EML6: variants seen among roughly 807,000 people sequenced by gnomAD.
EML6 encodes EMAP like 6, also known as echinoderm microtubule-associated protein-like 6.
In EML6, 154 loss-of-function variants were observed where a neutral mutation model predicts 240.1. The ratio of observed to expected loss-of-function variants is 0.64; its 90% CI spans 0.56 to 0.73. EML6 has a LOEUF of 0.73. Ranked by LOEUF, EML6 falls within the 30% of genes least tolerant of loss-of-function variation. The pLI is 0.00. For missense variants in EML6, 2,964 were observed against 2,474.6 expected, an observed-to-expected ratio of 1.20 and a Z score of -4.20; for synonymous variants, 1,148 against 899.0, an observed-to-expected ratio of 1.28 and a Z score of -4.95.
intron 21 of EML6, among the ~76,000 whole-genome samples, chr2:54,896,019 C>G (rs1231448252): frequency 2.0e-5 from 3 of 152,190 alleles, no homozygotes; most frequent in Non-Finnish European, 4.4e-5. Flanking sequence ...ATACCACACT[C>G]AAAGGGAGGT....
At chr2:54,922,268 A>G (rs1043947165) in intron 26 of EML6, among the ~76,000 whole-genome samples, 1 of 152,262 alleles carries the variant, frequency 6.6e-6, no homozygotes, top group South Asian at 2.1e-4. Context: ...ATTTCTCCAA[A>G]GAAGACATAG....
At chr2:54,883,871 TTATAAC>T (rs1388411907) in intron 17 of EML6, among the ~76,000 whole-genome samples, 3 of 152,192 alleles carry the variant, frequency 2.0e-5, no homozygotes, top group African/African-American at 7.2e-5. Context: ...ATTAGCCACT[TTATAAC>T]TAGCCACAAC....
intron 35 of EML6, among the ~76,000 whole-genome samples, chr2:54,962,041 ATT>A (rs1676542777): frequency 6.8e-6 from 1 of 148,044 alleles, no homozygotes; most frequent in Non-Finnish European, 1.5e-5. Flanking sequence ...ACCCCTTCTT[ATT>A]TTAATATTAA....
At chr2:54,841,581 C>G (rs1252085196) in intron 7 of EML6, among the ~76,000 whole-genome samples, 3 of 127,084 alleles carry the variant, frequency 2.4e-5, no homozygotes, top group Non-Finnish European at 3.3e-5. Context: ...TAGTATTTGT[C>G]TTGGCTTTTT....
chr2:54,895,929 A>G lies in EML6; in HGVS notation c.2982+529A>G, dbSNP rs563070467. Among the ~76,000 whole-genome samples the G allele has an allele frequency of 5.9e-5, 9 of 152,382 alleles. 1 individual carries two copies. The highest frequency in any genetic ancestry group is 2.2e-4 in the African/African-American group (9 of 41,594). On this transcript the variant is annotated intron_variant, in intron 21 of 41. Transcript: ENST00000356458. ...TAGATACTACAATTTTATGTTACAT[A>G]ATTATGTCATCACATATGTGGAATC...
chr2:54,798,129 T>C (rs1187925511), intron 2 of EML6, among the ~76,000 whole-genome samples: 1 of 152,122 alleles, frequency 6.6e-6, no homozygotes, highest in Non-Finnish European at 1.5e-5. Context: ...AAACATAATA[T>C]CTCTTCTTGT....
chr2:54,929,013 T>G (rs1489412673), intron 28 of EML6, among the ~76,000 whole-genome samples: 1 of 125,720 alleles, frequency 8.0e-6, no homozygotes, highest in African/African-American at 2.8e-5. Flanking sequence ...TGGACTACAC[T>G]TCTCCATGCC....
At chr2:54,887,448 T>G (rs1245985113) in intron 17 of EML6, among the ~76,000 whole-genome samples, 1 of 152,232 alleles carries the variant, frequency 6.6e-6, no homozygotes, top group Non-Finnish European at 1.5e-5. Context: ...ACTTGCTGAT[T>G]TTTTTCCCAG....
At chr2:54,749,179 C>G (rs927014429) in intron 2 of EML6, among the ~76,000 whole-genome samples, 9 of 152,140 alleles carry the variant, frequency 5.9e-5, no homozygotes, top group African/African-American at 2.2e-4. Flanking sequence ...TTTTAACTCT[C>G]TTAAAGACAG....
At chr2:54,868,662 G>A (rs927159861) in intron 14 of EML6, 9 of 152,488 alleles carry the variant, frequency 5.9e-5, no homozygotes, top group African/African-American at 2.2e-4. Context: ...TGAAAGCAAA[G>A]AATTGGAAAT....
chr2:54,953,601 G>T (rs778192330), intron 31 of EML6, among the ~76,000 whole-genome samples: 5 of 152,142 alleles, frequency 3.3e-5, no homozygotes, highest in African/African-American at 4.8e-5. Flanking sequence ...CTTAAAAAAG[G>T]CTTTTGCAGG....
chr2:54,785,763 C>T (rs1310482274), intron 2 of EML6, among the ~76,000 whole-genome samples: 3 of 142,884 alleles, frequency 2.1e-5, no homozygotes, highest in African/African-American at 2.5e-5. Flanking sequence ...CATGACATAT[C>T]TCTTTCTTAA....
At chr2:54,849,025 T>A (rs931962453) in intron 9 of EML6, among the ~76,000 whole-genome samples, 1 of 152,208 alleles carries the variant, frequency 6.6e-6, no homozygotes, top group African/African-American at 2.4e-5. Context: ...TCTCCCTTTC[T>A]CCATGGCGTA....
intron 2 of EML6, among the ~76,000 whole-genome samples, chr2:54,787,530 TATTGG>T (rs1669157955): frequency 6.6e-6 from 1 of 152,246 alleles, no homozygotes; most frequent in Non-Finnish European, 1.5e-5. Context: ...TTGTTTATCC[TATTGG>T]ATTGTTCTTG....
rs189161733 is a variant in EML6, at chr2:54,858,987, T to A, written c.1658-547T>A. On this transcript the variant is annotated intron_variant, in intron 11 of 41. Transcript: ENST00000356458. ...GCTGTGTACTGAGCATATGCTGATATGCTGAAGGCTTTACTACTGTAGTTC... is the reference window on the plus strand; with the variant it reads ...GCTGTGTACTGAGCATATGCTGATAAGCTGAAGGCTTTACTACTGTAGTTC... Among the ~76,000 whole-genome samples, 20 of 152,314 alleles carry A rather than the reference T, an allele frequency of 1.3e-4. No individual in the cohort carries two copies. The South Asian group carries it at 3.5e-3, about 27-fold the overall frequency.
intron 28 of EML6, among the ~76,000 whole-genome samples, chr2:54,938,067 C>A (rs1377183062): frequency 6.6e-6 from 1 of 152,184 alleles, no homozygotes; most frequent in Non-Finnish European, 1.5e-5. Context: ...TAGGTGGGGC[C>A]AGGTGCTGTG....
chr2:54,851,058 T>C (rs1193619454), intron 10 of EML6, among the ~76,000 whole-genome samples: 1 of 152,196 alleles, frequency 6.6e-6, no homozygotes, highest in Non-Finnish European at 1.5e-5. Context: ...TGCATGGGAA[T>C]GATACCTCAT....
intron 26 of EML6, among the ~76,000 whole-genome samples, chr2:54,927,958 C>T (rs1674644256): frequency 1.3e-5 from 2 of 152,218 alleles, no homozygotes; most frequent in South Asian, 4.1e-4. Flanking sequence ...TCTCAGATGT[C>T]AGCCAGACTC....
At position 54,880,401 on chromosome 2, in the gene EML6, C is replaced by T. The variant is rs1037525959; in HGVS notation, c.2438+761C>T. ...TCCTTTCTGTCTTGCGATATAAAAT[C>T]ATTTTGAAGTTAATAGCCTTGAACC... On this transcript the variant is annotated intron_variant, in intron 17 of 41. Transcript: ENST00000356458. 2.0e-5 allele frequency: 3 copies of T among 152,326 alleles called. No homozygotes were observed. The South Asian group carries it at 6.2e-4, about 32-fold the overall frequency. 9.4% of individuals were successfully genotyped at this position (152,326 alleles called of 1,614,324 possible).
Sources: allele counts gnomAD v4.1 joint callset (sites outside exome capture counted in the v4.1 genomes callset), GRCh38; gene constraint gnomAD v4.1.1; transcripts MANE v1.5; gene names NCBI Gene and HGNC (gene_info 2026-07-23, HGNC 2026-07-21).